Variants in ENOX1 observed in about 807,000 individuals in gnomAD.
ENOX1 encodes ecto-NOX disulfide-thiol exchanger 1.
In ENOX1, 42 loss-of-function variants were observed where a neutral mutation model predicts 82.5. The observed-to-expected ratio is 0.51, with a 90% CI of 0.40 to 0.66. The LOEUF (loss-of-function observed/expected upper bound fraction) is 0.66, where lower values mean the gene tolerates loss of function less well. Ranked by LOEUF, ENOX1 falls within the 30% of genes least tolerant of loss-of-function variation. The pLI, the probability that ENOX1 is intolerant of heterozygous loss-of-function variation, is 0.00. For missense variants in ENOX1, 608 were observed against 811.6 expected (o/e 0.75, Z 3.05); for synonymous variants, 271 against 282.2 (o/e 0.96, Z 0.40).
chr13:43,496,297 T>C (rs1375097133), intron 2 of ENOX1, among the ~76,000 whole-genome samples: 1 of 152,136 alleles, frequency 6.6e-6, no homozygotes, highest in Non-Finnish European at 1.5e-5. Context: ...AAGTATATAC[T>C]TTGAATCAAT....
At chr13:43,765,564 T>C (rs527371748) in intron 1 of ENOX1, among the ~76,000 whole-genome samples, 1 of 152,292 alleles carries the variant, frequency 6.6e-6, no homozygotes, top group East Asian at 1.9e-4. Flanking sequence ...CTGTTAGTTA[T>C]CTATAGCTAT....
At chr13:43,550,524 T>G (rs746077026) in intron 2 of ENOX1, among the ~76,000 whole-genome samples, 6 of 152,178 alleles carry the variant, frequency 3.9e-5, no homozygotes, top group Non-Finnish European at 8.8e-5. Context: ...AGAATAGTTT[T>G]GCCTACACAT....
intron 3 of ENOX1, among the ~76,000 whole-genome samples, chr13:43,439,728 TC>T (rs2056258673): frequency 1.3e-5 from 2 of 152,332 alleles, no homozygotes; most frequent in South Asian, 2.1e-4. Flanking sequence ...TGTCTATTCC[TC>T]CTACTAGACT....
At chr13:43,607,189 T>G (rs1474159329) in intron 2 of ENOX1, among the ~76,000 whole-genome samples, 1 of 152,206 alleles carries the variant, frequency 6.6e-6, no homozygotes, top group Non-Finnish European at 1.5e-5. Context: ...ATTGTATGCA[T>G]GTATCAAAAT....
At chr13:43,435,056 C>G (rs771410877) in intron 3 of ENOX1, among the ~76,000 whole-genome samples, 73 of 149,134 alleles carry the variant, frequency 4.9e-4, no homozygotes, top group Non-Finnish European at 8.7e-4. Context: ...TAGCATAATA[C>G]CCGGCACGCA....
chr13:43,616,107 GATATCT>G (rs2082410128), intron 2 of ENOX1, among the ~76,000 whole-genome samples: 1 of 51,758 alleles, frequency 1.9e-5, no homozygotes, highest in African/African-American at 6.3e-5. Context: ...TATATAGATA[GATATCT>G]ATAGATCTAT....
At chr13:43,713,540 T>C (rs1187365922) in intron 1 of ENOX1, among the ~76,000 whole-genome samples, 2 of 152,182 alleles carry the variant, frequency 1.3e-5, no homozygotes, top group African/African-American at 4.8e-5. Context: ...ATCCATCTGG[T>C]CCTGGACTCT....
chr13:43,509,758 C>A (rs1168140536), intron 2 of ENOX1, among the ~76,000 whole-genome samples: 1 of 151,994 alleles, frequency 6.6e-6, no homozygotes, highest in East Asian at 1.9e-4. Flanking sequence ...TCATTTGACA[C>A]AGGCAAACAT....
At chr13:43,563,004 A>G (rs9594972) in intron 2 of ENOX1, among the ~76,000 whole-genome samples, 26,008 of 152,128 alleles carry the variant, frequency 0.17, 2,700 homozygotes, top group Non-Finnish European at 0.24. Context: ...ACAAAGAAAC[A>G]TCAGATTTAA....
intron 2 of ENOX1, among the ~76,000 whole-genome samples, chr13:43,590,411 C>A (rs2081191171): frequency 6.6e-6 from 1 of 151,872 alleles, no homozygotes; most frequent in Non-Finnish European, 1.5e-5. Flanking sequence ...CCAAAGACAC[C>A]ATAAAGAAAA....
chr13:43,338,676 G>GTT (rs71099830), intron 9 of ENOX1, among the ~76,000 whole-genome samples: 1,800 of 81,304 alleles, frequency 0.022, 208 homozygotes, highest in Non-Finnish European at 0.031. Context: ...TTCAGGTTGG[G>GTT]TTTTTTTTTT....
chr13:43,378,720 C>T (rs539609968), intron 5 of ENOX1, among the ~76,000 whole-genome samples: 26 of 152,216 alleles, frequency 1.7e-4, no homozygotes, highest in South Asian at 1.5e-3. Flanking sequence ...ATAAACTTCA[C>T]GGATATGAGA....
intron 2 of ENOX1, among the ~76,000 whole-genome samples, chr13:43,591,540 G>T (rs1260725242): frequency 1.3e-5 from 2 of 152,154 alleles, no homozygotes; most frequent in African/African-American, 4.8e-5. Context: ...AGAAAAGTAC[G>T]TAGGAGACAC....
intron 13 of ENOX1, among the ~76,000 whole-genome samples, chr13:43,266,103 AAGG>A (rs1450169353): frequency 6.6e-6 from 1 of 152,184 alleles, no homozygotes; most frequent in Non-Finnish European, 1.5e-5. Context: ...AATCAGTTAT[AAGG>A]AGGTTTCAGG....
chr13:43,651,617 G>A lies in ENOX1; in HGVS notation c.-219+15862C>T, dbSNP rs938275285. On this transcript the variant is annotated intron_variant, in intron 2 of 16. Coordinates refer to ENST00000690772, the MANE Select transcript of ENOX1 (RefSeq NM_001347969.2). ...GAGGCTATGGCAGGAGAATCGCTTG[G>A]ACCCAGGATGCGGAGGTTGCAGTGA... Among the ~76,000 whole-genome samples the A allele has an allele frequency of 2.7e-5, 4 of 149,500 alleles. No homozygotes were observed. In the East Asian group the frequency reaches 6.0e-4, roughly 23 times the overall value.
chr13:43,412,380 G>A (rs968428962), intron 4 of ENOX1, among the ~76,000 whole-genome samples: 2 of 152,196 alleles, frequency 1.3e-5, no homozygotes, highest in Admixed American at 1.3e-4. Flanking sequence ...AGGCAAAGCA[G>A]TAATACTCTC....
intron 1 of ENOX1, among the ~76,000 whole-genome samples, chr13:43,686,984 G>A (rs556788979): frequency 1.0e-4 from 12 of 118,266 alleles, no homozygotes; most frequent in African/African-American, 2.3e-4. Context: ...CACTTCCTCC[G>A]CTCCTCACAA....
intron 2 of ENOX1, among the ~76,000 whole-genome samples, chr13:43,521,650 G>A (rs2077774080): frequency 6.6e-6 from 1 of 152,114 alleles, no homozygotes; most frequent in Admixed American, 6.6e-5. Flanking sequence ...TGCCCTGGAA[G>A]GTCCTTGCTT....
At chr13:43,392,763 C>T (rs1384290144) in intron 5 of ENOX1, among the ~76,000 whole-genome samples, 1 of 152,002 alleles carries the variant, frequency 6.6e-6, no homozygotes. Flanking sequence ...TCAATATTTT[C>T]TATATATTTT....
Sources: allele counts gnomAD v4.1 joint callset (sites outside exome capture counted in the v4.1 genomes callset), GRCh38; gene constraint gnomAD v4.1.1; transcripts MANE v1.5; gene names NCBI Gene and HGNC (gene_info 2026-07-23, HGNC 2026-07-21).